Variants in MYRIP observed in about 807,000 individuals in gnomAD.
The protein encoded by MYRIP is myosin VIIA and Rab interacting protein.
Under a neutral mutation model 98.0 loss-of-function variants are expected in MYRIP, and 49 were observed. The ratio of observed to expected loss-of-function variants is 0.50; its 90% confidence interval spans 0.40 to 0.63. MYRIP has a LOEUF of 0.63. Among genes scored for constraint, MYRIP ranks in the 30% least tolerant of loss-of-function variants. The pLI is 0.00. For synonymous variants in MYRIP, 404 were observed against 409.5 expected (o/e 0.99, Z 0.16); for missense variants, 1,004 against 1,058.2 (o/e 0.95, Z 0.71).
chr3:40,059,217 A>G (rs1334594551), intron 3 of MYRIP, among the ~76,000 whole-genome samples: 1 of 152,122 alleles, frequency 6.6e-6, no homozygotes, highest in Non-Finnish European at 1.5e-5. Context: ...AGTCTTTGCT[A>G]TTGTGAATAG....
At chr3:39,830,615 G>A (rs1353711933) in intron 1 of MYRIP, among the ~76,000 whole-genome samples, 8 of 152,134 alleles carry the variant, frequency 5.3e-5, no homozygotes, top group Admixed American at 3.9e-4. Context: ...ATGAAATGTC[G>A]CTCCACTCCC....
At chr3:39,868,941 T>A (rs1942704257) in intron 1 of MYRIP, among the ~76,000 whole-genome samples, 1 of 152,216 alleles carries the variant, frequency 6.6e-6, no homozygotes. Context: ...CACTTGTATG[T>A]GATGTGTTAC....
intron 2 of MYRIP, among the ~76,000 whole-genome samples, chr3:40,004,944 A>T (rs776191613): frequency 3.1e-4 from 47 of 151,894 alleles, no homozygotes; most frequent in Non-Finnish European, 5.6e-4. Context: ...CCTCCCTCCT[A>T]TCCCCCTTTT....
chr3:39,933,959 A>G (rs1262954186), intron 2 of MYRIP, among the ~76,000 whole-genome samples: 1 of 152,156 alleles, frequency 6.6e-6, no homozygotes, highest in Admixed American at 6.5e-5. Flanking sequence ...CTCCTAGAAA[A>G]CAACATTAGC....
At chr3:40,203,118 GACAGGGTTTC>G in intron 10 of MYRIP, among the ~76,000 whole-genome samples, 1 of 151,878 alleles carries the variant, frequency 6.6e-6, no homozygotes, top group East Asian at 1.9e-4. Context: ...TTTTAGTAAA[GACAGGGTTTC>G]ACCATGCTGG....
At chr3:40,171,374 G>T (rs907684753) in intron 8 of MYRIP, among the ~76,000 whole-genome samples, 5 of 152,152 alleles carry the variant, frequency 3.3e-5, no homozygotes, top group Non-Finnish European at 5.9e-5. Flanking sequence ...ATGGAGCAGG[G>T]GAGCAAAAGC....
At chr3:39,893,834 G>T (rs1178897662) in intron 1 of MYRIP, among the ~76,000 whole-genome samples, 4 of 151,890 alleles carry the variant, frequency 2.6e-5, no homozygotes, top group African/African-American at 9.7e-5. Flanking sequence ...CCACTTCATA[G>T]CAGTATGGTA....
chr3:40,171,204 TG>T (rs2125599300), intron 8 of MYRIP, among the ~76,000 whole-genome samples: 1 of 152,024 alleles, frequency 6.6e-6, no homozygotes, highest in South Asian at 2.1e-4. Flanking sequence ...CTTTATAATC[TG>T]GTTAGCAAGG....
chr3:40,069,212 C>CTT lies in MYRIP; in HGVS notation c.332+24942_332+24943dup, dbSNP rs535250430. The stretch of plus-strand genomic sequence containing the variant: ...GTTTTGGGGATGCACCTGCACATCT[C>CTT]TTCTCCCCCCATATCCTGGCAGTGG... On this transcript the variant is annotated intron_variant, in intron 3 of 16. Transcript: ENST00000302541. Among the ~76,000 whole-genome samples the CTT allele has an allele frequency of 3.4e-4, 52 of 152,256 alleles. 3 individuals carry two copies. The South Asian group carries it at 0.011, about 32-fold the overall frequency.
chr3:40,181,711 G>T (rs1950886480), intron 8 of MYRIP, among the ~76,000 whole-genome samples: 1 of 152,054 alleles, frequency 6.6e-6, no homozygotes, highest in Non-Finnish European at 1.5e-5. Context: ...GTTTGTTCCT[G>T]TCAGTCACTT....
intron 2 of MYRIP, among the ~76,000 whole-genome samples, chr3:39,940,743 A>T (rs186965878): frequency 2.7e-3 from 415 of 152,322 alleles, no homozygotes; most frequent in Middle Eastern, 0.014. Context: ...CTAAAAATGC[A>T]TATGAAAGCA....
chr3:39,851,476 G>C (rs1053821180), intron 1 of MYRIP, among the ~76,000 whole-genome samples: 3 of 152,088 alleles, frequency 2.0e-5, no homozygotes, highest in Non-Finnish European at 2.9e-5. Context: ...TTTCCTCAGG[G>C]TGTGGGTATG....
intron 1 of MYRIP, among the ~76,000 whole-genome samples, chr3:39,852,486 A>C (rs911052561): frequency 6.6e-6 from 1 of 152,108 alleles, no homozygotes; most frequent in African/African-American, 2.4e-5. Flanking sequence ...TGCAACTGTC[A>C]CCTGAGCAGT....
At chr3:39,950,707 T>G (rs1944992508) in intron 2 of MYRIP, among the ~76,000 whole-genome samples, 1 of 152,128 alleles carries the variant, frequency 6.6e-6, no homozygotes, top group Non-Finnish European at 1.5e-5. Flanking sequence ...GCTGTTGAGG[T>G]CAAGGCTCAG....
At chr3:39,953,718 T>TG (rs376191629) in intron 2 of MYRIP, among the ~76,000 whole-genome samples, 87 of 152,194 alleles carry the variant, frequency 5.7e-4, no homozygotes, top group African/African-American at 2.0e-3. Flanking sequence ...CAAAGCAGGG[T>TG]GGGGCATCGC....
rs1953672297 is a variant in MYRIP, at chr3:40,258,472, C to CTGTA, written c.*310_*313dup. ...CATATTTTCCCTGTTTGCTTTGCTA[C>CTGTA]TGTATGTTGACTTTAAGATCTTTTT... is the stretch of plus-strand genomic sequence containing the variant. On this transcript the variant is annotated 3_prime_UTR_variant, in exon 17 of 17. Transcript: ENST00000302541. 1 of 366,956 alleles carries CTGTA rather than the reference C, an allele frequency of 2.7e-6. No homozygotes were observed. Among genetic ancestry groups the CTGTA allele is most frequent in the Non-Finnish European group, 5.0e-6 (1 of 199,868 alleles). The allele number at this position is 366,956 out of a possible 1,614,324, so 22.7% of individuals were successfully genotyped here.
chr3:39,838,908 G>A (rs1941710097), intron 1 of MYRIP, among the ~76,000 whole-genome samples: 1 of 152,080 alleles, frequency 6.6e-6, no homozygotes, highest in Non-Finnish European at 1.5e-5. Flanking sequence ...GTCTATTCAG[G>A]GATTTGACTT....
At chr3:40,128,183 G>T (rs1949560063) in intron 3 of MYRIP, among the ~76,000 whole-genome samples, 1 of 152,190 alleles carries the variant, frequency 6.6e-6, no homozygotes, top group Non-Finnish European at 1.5e-5. Context: ...ACAAGACATG[G>T]AGTTTTAATA....
At chr3:40,247,332 T>A (rs1030267612) in intron 13 of MYRIP, among the ~76,000 whole-genome samples, 2 of 152,232 alleles carry the variant, frequency 1.3e-5, no homozygotes, top group African/African-American at 4.8e-5. Flanking sequence ...CAATGTTCTG[T>A]GAGCGTTATT....
Sources: allele counts gnomAD v4.1 joint callset (sites outside exome capture counted in the v4.1 genomes callset), GRCh38; gene constraint gnomAD v4.1.1; transcripts MANE v1.5; gene names NCBI Gene and HGNC (gene_info 2026-07-23, HGNC 2026-07-21).